Variants in PREX1 observed in about 807,000 individuals in gnomAD.
The protein encoded by PREX1 is phosphatidylinositol-3,4,5-trisphosphate dependent Rac exchange factor 1.
PREX1 carries 41 observed loss-of-function variants against 198.3 expected under a neutral mutation model. The ratio of observed to expected loss-of-function variants is 0.21; its 90% CI spans 0.16 to 0.27. PREX1 has a LOEUF of 0.27. Ranked by LOEUF, PREX1 falls within the 10% of genes least tolerant of loss-of-function variation. The pLI is 1.00. For synonymous variants in PREX1, 843 were observed against 887.2 expected (o/e 0.95, Z 0.89); for missense variants, 1,620 against 2,200.7 (o/e 0.74, Z 5.28).
At chr20:48,802,674 A>C (rs1162955556) in intron 1 of PREX1, among the ~76,000 whole-genome samples, 2 of 152,226 alleles carry the variant, frequency 1.3e-5, no homozygotes, top group African/African-American at 4.8e-5. Flanking sequence ...GAGATATGAG[A>C]GCAGGGATTG....
At chr20:48,793,705 C>T (rs1419400232) in intron 1 of PREX1, among the ~76,000 whole-genome samples, 1 of 152,234 alleles carries the variant, frequency 6.6e-6, no homozygotes, top group African/African-American at 2.4e-5. Context: ...AGGCAAAGGC[C>T]AGACAGGAAT....
At chr20:48,633,926 T>C (rs547686571) in intron 33 of PREX1, among the ~76,000 whole-genome samples, 1 of 152,334 alleles carries the variant, frequency 6.6e-6, no homozygotes, top group African/African-American at 2.4e-5. Flanking sequence ...GCCTGACATA[T>C]ACTATGTGCT....
chr20:48,681,467 A>AT, intron 10 of PREX1, 132 bp from the exon 11 acceptor site: 1 of 816,086 alleles, frequency 1.2e-6, no homozygotes, highest in Non-Finnish European at 2.1e-6. Context: ...AGCCGAGTGT[A>AT]GTAGTCTATA....
intron 14 of PREX1, among the ~76,000 whole-genome samples, chr20:48,671,664 G>A (rs1361921539): frequency 6.6e-6 from 1 of 152,206 alleles, no homozygotes; most frequent in Admixed American, 6.5e-5. Flanking sequence ...GATGCAAGGT[G>A]GGGGTGACTC....
chr20:48,756,128 T>C (rs1028602277), intron 1 of PREX1, among the ~76,000 whole-genome samples: 13 of 152,346 alleles, frequency 8.5e-5, no homozygotes, highest in African/African-American at 2.2e-4. Flanking sequence ...GAAGAGCCTC[T>C]GAGCTGCCGA....
At chr20:48,631,058 C>T (rs2089310668) in intron 35 of PREX1, among the ~76,000 whole-genome samples, 1 of 152,208 alleles carries the variant, frequency 6.6e-6, no homozygotes, top group Non-Finnish European at 1.5e-5. Flanking sequence ...CCCTCTGCTC[C>T]CCAGGCCCTG....
chr20:48,764,687 C>T (rs368584842), intron 1 of PREX1, among the ~76,000 whole-genome samples: 1 of 149,116 alleles, frequency 6.7e-6, no homozygotes, highest in African/African-American at 2.5e-5. Flanking sequence ...AAGGCTGAGG[C>T]GTGAGAATTG....
the PREX1 span, among the ~76,000 whole-genome samples, chr20:48,841,054 G>T: frequency 6.6e-6 from 1 of 152,058 alleles, no homozygotes; most frequent in Non-Finnish European, 1.5e-5. Context: ...CTCCTGAGTA[G>T]CTAGGACTAC....
chr20:48,848,504 G>A, the PREX1 span, among the ~76,000 whole-genome samples: 3 of 151,836 alleles, frequency 2.0e-5, no homozygotes, highest in Non-Finnish European at 2.9e-5. Flanking sequence ...CAATCTGCCC[G>A]CCTCATCCTC....
At chr20:48,676,107 A>G (rs1406355541) in intron 14 of PREX1, 86 bp downstream of exon 14, 1 of 1,351,574 alleles carries the variant, frequency 7.4e-7, no homozygotes, top group Non-Finnish European at 1.1e-6. Context: ...TAAAAGCAAT[A>G]AGAAAAAATC....
intron 1 of PREX1, among the ~76,000 whole-genome samples, chr20:48,790,371 AAGT>A (rs2090332740): frequency 6.6e-6 from 1 of 152,126 alleles, no homozygotes; most frequent in Non-Finnish European, 1.5e-5. Flanking sequence ...CCTCCCCCGA[AAGT>A]AGGAACGGAA....
the PREX1 span, among the ~76,000 whole-genome samples, chr20:48,868,789 T>C: frequency 6.6e-6 from 1 of 152,216 alleles, no homozygotes; most frequent in African/African-American, 2.4e-5. Context: ...TTCCGTGTTT[T>C]ATCCCATTTT....
At chr20:48,773,834 C>T (rs1421874280) in intron 1 of PREX1, among the ~76,000 whole-genome samples, 1 of 152,094 alleles carries the variant, frequency 6.6e-6, no homozygotes, top group Non-Finnish European at 1.5e-5. Context: ...GACCTGAGTT[C>T]TTAAGGGGCC....
rs1470030699 is a variant in PREX1, at chr20:48,634,740, C to T, written c.4203G>A (p.Val1401=). 1 of 1,614,112 alleles carries T rather than the reference C, an allele frequency of 6.2e-7. No homozygotes were observed. The highest frequency in any genetic ancestry group is 8.5e-7 in the Non-Finnish European group (1 of 1,180,038). ...TGACATTGTCCAGCTCTGACAGCGTCACCCAGATGTCCTCCAGCATGGTCC... is the reference window on the plus strand; with the variant it reads ...TGACATTGTCCAGCTCTGACAGCGTTACCCAGATGTCCTCCAGCATGGTCC... ...EERTMLEDIW[V]TLSELDNVTF... The change falls in exon 33 of 40, where the codon GTG becomes GTA. Residue 1401 remains valine, a synonymous_variant. Coordinates refer to ENST00000371941, the MANE Select transcript of PREX1 (RefSeq NM_020820.4).
At chr20:48,801,774 C>G (rs2090388032) in intron 1 of PREX1, among the ~76,000 whole-genome samples, 1 of 152,182 alleles carries the variant, frequency 6.6e-6, no homozygotes, top group African/African-American at 2.4e-5. Flanking sequence ...TGTTGAGAGG[C>G]AGGGTCGCAT....
intron 14 of PREX1, among the ~76,000 whole-genome samples, chr20:48,674,337 T>A (rs771338579): frequency 1.3e-5 from 2 of 152,276 alleles, no homozygotes; most frequent in Non-Finnish European, 2.9e-5. Flanking sequence ...CTGTGATTTA[T>A]CAGCACGTAT....
At chr20:48,792,731 A>G (rs2090343750) in intron 1 of PREX1, among the ~76,000 whole-genome samples, 1 of 151,686 alleles carries the variant, frequency 6.6e-6, no homozygotes, top group South Asian at 2.1e-4. Flanking sequence ...TATCCATATA[A>G]TGGAATATGA....
intron 7 of PREX1, among the ~76,000 whole-genome samples, chr20:48,695,787 A>AT (rs1304373711): frequency 1.3e-5 from 2 of 151,886 alleles, no homozygotes; most frequent in Non-Finnish European, 2.9e-5. Context: ...GAGGTTGGCA[A>AT]TTTTTTTTCT....
chr20:48,794,086 G>T (rs1370809830), intron 1 of PREX1, among the ~76,000 whole-genome samples: 2 of 152,124 alleles, frequency 1.3e-5, no homozygotes. Flanking sequence ...CCACAGAGTG[G>T]GAGGACCCCC....
Sources: allele counts gnomAD v4.1 joint callset (sites outside exome capture counted in the v4.1 genomes callset), GRCh38; gene constraint gnomAD v4.1.1; transcripts MANE v1.5; gene names NCBI Gene and HGNC (gene_info 2026-07-23, HGNC 2026-07-21).